REPS2: variants seen among roughly 807,000 people sequenced by gnomAD.
REPS2 encodes ralBP1-associated Eps domain-containing protein 2.
Under a neutral mutation model 53.6 loss-of-function variants are expected in REPS2, and 23 were observed. The ratio of observed to expected loss-of-function variants is 0.43; its 90% CI spans 0.31 to 0.61. The LOEUF (loss-of-function observed/expected upper bound fraction) is 0.61, where lower values mean the gene tolerates loss of function less well. Ranked by LOEUF, REPS2 falls within the 20% of genes least tolerant of loss-of-function variation. REPS2 has a pLI of 0.11. For synonymous variants in REPS2, 238 were observed against 218.6 expected (o/e 1.09, Z -0.78); for missense variants, 446 against 534.9 (o/e 0.83, Z 1.64).
chrX:16,960,913 T>C (rs1417234438), intron 1 of REPS2, among the ~76,000 whole-genome samples: 1 of 112,295 alleles, frequency 8.9e-6, no homozygotes, highest in Non-Finnish European at 1.9e-5. Flanking sequence ...GAAAGATCTG[T>C]ACATTCAACA....
intron 9 of REPS2, among the ~76,000 whole-genome samples, chrX:17,067,637 A>G (rs1475191937): frequency 8.9e-6 from 1 of 112,273 alleles, no homozygotes; most frequent in Non-Finnish European, 1.9e-5. Flanking sequence ...GAAAATTTTA[A>G]TCTGCTCATC....
At chrX:17,048,182 T>C (rs1209148173) in intron 6 of REPS2, among the ~76,000 whole-genome samples, 1 of 112,721 alleles carries the variant, frequency 8.9e-6, no homozygotes, top group East Asian at 2.8e-4. Flanking sequence ...TAACAATATG[T>C]CCTTAATAAT....
At chrX:16,960,421 C>G (rs2060645795) in intron 1 of REPS2, among the ~76,000 whole-genome samples, 2 of 112,062 alleles carry the variant, frequency 1.8e-5, no homozygotes, top group African/African-American at 6.5e-5. Flanking sequence ...GTAGAAATAG[C>G]ATTTGACAAA....
intron 5 of REPS2, among the ~76,000 whole-genome samples, chrX:17,044,999 G>A (rs1460973753): frequency 6.3e-5 from 7 of 111,406 alleles, no homozygotes; most frequent in African/African-American, 2.3e-4. Context: ...GCGCGATCTC[G>A]GCTCGCTGCA....
Position 17,147,930 on chromosome X carries a change from T to C in REPS2, c.*449T>C, listed in dbSNP as rs2063532364. Reference sequence around the variant, plus strand: ...TAGAGTAGGTTGGTTTCCTGAGTAATTGGGATTCCAACTAGATAGTCATTG... The same window carrying C: ...TAGAGTAGGTTGGTTTCCTGAGTAACTGGGATTCCAACTAGATAGTCATTG... On this transcript the variant is annotated 3_prime_UTR_variant, in exon 18 of 18. Coordinates refer to ENST00000357277, the MANE Select transcript of REPS2 (RefSeq NM_004726.3). 8.8e-6 allele frequency: 1 copy of C among 113,349 alleles called. No individual in the cohort carries two copies. The highest frequency in any genetic ancestry group is 1.9e-5 in the Non-Finnish European group (1 of 53,952). The allele number at this position is 113,349 out of a possible 1,213,427, so 9.3% of individuals were successfully genotyped here. A position where few individuals can be genotyped will look rare whatever the true frequency, so the allele number is the denominator to read the frequency against.
At chrX:17,072,930 T>C (rs2062328355) in intron 11 of REPS2, among the ~76,000 whole-genome samples, 1 of 112,523 alleles carries the variant, frequency 8.9e-6, no homozygotes, top group Non-Finnish European at 1.9e-5. Context: ...TCCTGCACTC[T>C]GGCAGCGTTT....
intron 13 of REPS2, among the ~76,000 whole-genome samples, chrX:17,083,496 T>C (rs1255632294): frequency 2.7e-5 from 3 of 111,848 alleles, no homozygotes; most frequent in African/African-American, 9.8e-5. Flanking sequence ...AGATGTATAG[T>C]TGGGTAAAAC....
In REPS2 at chrX:17,006,241, A is replaced by G. The variant is rs757229847; in HGVS notation, c.294A>G (p.Ala98=). The G allele has an allele frequency of 2.0e-5, 24 of 1,211,285 alleles. No homozygotes were observed. The highest frequency in any genetic ancestry group is 4.3e-5 in the Admixed American group (2 of 46,058). ...CTCAGATCACAGAACTGTGTGGTGC[A>G]AAGCGGGTTGGTTATTTTGGTCCAA... ...TLHQITELCG[A]KRVGYFGPTQ... Residue 98 remains alanine (A), a synonymous_variant, in exon 2 of 18, where the codon GCA becomes GCG. Transcript: ENST00000357277.
chrX:17,168,293 C>T, the REPS2 span, among the ~76,000 whole-genome samples: 4 of 111,576 alleles, frequency 3.6e-5, no homozygotes, highest in South Asian at 1.2e-3. Context: ...GTAGGAGGAT[C>T]GCTTGAGCCC....
chrX:16,996,557 C>T (rs978895500), intron 1 of REPS2, among the ~76,000 whole-genome samples: 132 of 112,170 alleles, frequency 1.2e-3, no homozygotes, highest in Non-Finnish European at 2.4e-4. Context: ...GTTATTTTAA[C>T]AATTGGATTG....
In REPS2 at chrX:17,026,947, C is replaced by T. The variant is rs778948814; in HGVS notation, c.673+1762C>T. 9.9e-5 allele frequency among the ~76,000 whole-genome samples: 11 copies of T among 110,558 alleles called. No homozygotes were observed. The East Asian group carries it at 1.7e-3, about 17-fold the overall frequency. ...GGATTACAGACATGTGCCACCACAC[C>T]GGGCTAATTTTCTTTTTGTATTTTT... is the stretch of plus-strand genomic sequence containing the variant. On this transcript the variant is annotated intron_variant, in intron 4 of 17. Transcript: ENST00000357277.
At chrX:17,175,011 G>T in the REPS2 span, among the ~76,000 whole-genome samples, 1 of 112,761 alleles carries the variant, frequency 8.9e-6, no homozygotes, top group African/African-American at 3.2e-5. Flanking sequence ...GGCTGGAGAT[G>T]AATTTCTCTG....
chrX:17,134,903 T>G (rs1319325828), intron 15 of REPS2, among the ~76,000 whole-genome samples: 1 of 111,303 alleles, frequency 9.0e-6, no homozygotes, highest in Non-Finnish European at 1.9e-5. Flanking sequence ...ATTACAGGCA[T>G]GAGCCACTGC....
intron 2 of REPS2, among the ~76,000 whole-genome samples, chrX:17,009,099 A>G (rs758001263): frequency 1.8e-5 from 2 of 111,565 alleles, no homozygotes; most frequent in Admixed American, 9.5e-5. Flanking sequence ...GGACACCACA[A>G]TGGATTGACA....
chrX:17,142,933 A>G (rs976990566), intron 17 of REPS2, among the ~76,000 whole-genome samples: 1 of 112,435 alleles, frequency 8.9e-6, no homozygotes, highest in Non-Finnish European at 1.9e-5. Context: ...AAACAACACA[A>G]ATGTCCTTCA....
chrX:17,112,947 C>T, intron 14 of REPS2, among the ~76,000 whole-genome samples: 1 of 105,223 alleles, frequency 9.5e-6, no homozygotes, highest in Non-Finnish European at 1.9e-5. Context: ...AAATGTTATT[C>T]TGGGCATGGT....
intron 14 of REPS2, among the ~76,000 whole-genome samples, chrX:17,117,518 T>TG (rs757538341): frequency 0.012 from 1,272 of 110,501 alleles, 19 homozygotes; most frequent in African/African-American, 0.04. Flanking sequence ...AGTGAGAACA[T>TG]GCAGTGTTTG....
chrX:17,044,744 G>A (rs1276510150), intron 5 of REPS2, among the ~76,000 whole-genome samples: 1 of 111,346 alleles, frequency 9.0e-6, no homozygotes, highest in African/African-American at 3.3e-5. Context: ...TATCATGGCC[G>A]GTAATCTAAT....
chrX:17,045,370 G>A (rs1356354884), intron 5 of REPS2, among the ~76,000 whole-genome samples: 2 of 110,566 alleles, frequency 1.8e-5, no homozygotes, highest in Non-Finnish European at 3.8e-5. Context: ...CTGCCTGCAG[G>A]GGTTCACTAA....
Sources: gnomAD v4.1 joint callset for allele counts (sites outside exome capture counted in the v4.1 genomes callset) on GRCh38, gnomAD v4.1.1 for gene constraint, MANE v1.5 for transcripts, NCBI Gene and HGNC (gene_info 2026-07-23, HGNC 2026-07-21) for gene names.